The following CCDC85A variants were observed in gnomAD, a reference collection of about 807,000 sequenced individuals.
CCDC85A encodes coiled-coil domain containing 85A.
In CCDC85A, 38 loss-of-function variants were observed where a neutral mutation model predicts 50.2. The observed-to-expected ratio is 0.76, with a 90% confidence interval of 0.58 to 0.99. The LOEUF (loss-of-function observed/expected upper bound fraction) is 0.99. CCDC85A is among the 50% of genes least tolerant of loss of function. CCDC85A has a pLI of 0.00. For synonymous variants in CCDC85A, 366 were observed against 301.4 expected (o/e 1.21, Z -2.22); for missense variants, 820 against 742.0 (o/e 1.11, Z -1.22).
intron 3 of CCDC85A, among the ~76,000 whole-genome samples, chr2:56,369,590 G>A (rs1675974470): frequency 6.6e-6 from 1 of 152,092 alleles, no homozygotes; most frequent in Non-Finnish European, 1.5e-5. Context: ...AAGTCAGGCT[G>A]ACTTATTCTT....
chr2:56,330,604 A>G (rs1454394812), intron 2 of CCDC85A, among the ~76,000 whole-genome samples: 2 of 152,178 alleles, frequency 1.3e-5, no homozygotes, highest in African/African-American at 4.8e-5. Context: ...CTGTAAGGCA[A>G]AGTTTCACCA....
In CCDC85A at chr2:56,184,861, C is replaced by A; in HGVS notation, c.237C>A (p.Arg79=). 3.9e-6 allele frequency: 6 copies of A among 1,536,422 alleles called. No individual in the cohort carries two copies. The highest frequency in any genetic ancestry group is 5.2e-6 in the Non-Finnish European group (6 of 1,143,668). The change falls in exon 1 of 6, where the codon CGC becomes CGA. Residue 79 remains arginine (R), a synonymous_variant. Coordinates refer to ENST00000407595, the MANE Select transcript of CCDC85A (RefSeq NM_001080433.2). ...GCAACCTCATCCGCGAGGTGAACCG[C>A]CGCCTGCAGCTGCACCTCGGCGAGA... The part of the protein sequence containing the change: ...DHSNLIREVN[R]RLQLHLGEIR...
In CCDC85A at chr2:56,357,709, T is replaced by G. The variant is rs527251614; in HGVS notation, c.1318-14635T>G. ...TCTCTTAAATGATGAGGTTGCAGCC[T>G]GAAATGGACCTTTCTTTCTGTGAGA... On this transcript the variant is annotated intron_variant, in intron 3 of 5. Coordinates refer to ENST00000407595, the MANE Select transcript of CCDC85A (RefSeq NM_001080433.2). Among the ~76,000 whole-genome samples, 27 of 141,994 alleles carry G rather than the reference T, an allele frequency of 1.9e-4. No individual in the cohort carries two copies. The East Asian group carries it at 6.0e-3, about 32-fold the overall frequency. The allele number at this position is 141,994 out of a possible 152,430, so 93.2% of individuals were successfully genotyped here.
At chr2:56,313,742 A>G (rs1672796725) in intron 2 of CCDC85A, among the ~76,000 whole-genome samples, 1 of 150,714 alleles carries the variant, frequency 6.6e-6, no homozygotes, top group Non-Finnish European at 1.5e-5. Flanking sequence ...TCCTACAGGC[A>G]CTGGAACATG....
chr2:56,279,818 T>C (rs987880533), intron 2 of CCDC85A, among the ~76,000 whole-genome samples: 1 of 152,364 alleles, frequency 6.6e-6, no homozygotes, highest in African/African-American at 2.4e-5. Context: ...TATATATACC[T>C]GTTTTCTTTA....
rs1490419336 is a variant in CCDC85A at position 56,222,840 on chromosome 2, A to T, written c.1240+29400A>T. On this transcript the variant is annotated intron_variant, in intron 2 of 5. Coordinates refer to ENST00000407595, the MANE Select transcript of CCDC85A (RefSeq NM_001080433.2). Reference sequence around the variant, plus strand: ...AGGAGGTTCAGTAATTATTCCAAAGATGCTATCTCTACTCAAAATCATTTT... The same window carrying T: ...AGGAGGTTCAGTAATTATTCCAAAGTTGCTATCTCTACTCAAAATCATTTT... 4.2e-3 allele frequency among the ~76,000 whole-genome samples: 646 copies of T among 152,266 alleles called. 20 individuals carry two copies. The highest frequency in any genetic ancestry group is 5.0e-3 in the Non-Finnish European group (341 of 68,012).
intron 2 of CCDC85A, among the ~76,000 whole-genome samples, chr2:56,284,079 A>G (rs1402504474): frequency 1.3e-5 from 2 of 151,880 alleles, no homozygotes; most frequent in Admixed American, 6.6e-5. Context: ...TTTGTCATTC[A>G]TTACTTTCTA....
intron 2 of CCDC85A, among the ~76,000 whole-genome samples, chr2:56,216,501 A>T (rs1677398775): frequency 6.6e-6 from 1 of 151,796 alleles, no homozygotes; most frequent in African/African-American, 2.4e-5. Flanking sequence ...CCTTTTATAT[A>T]TTTGAATGTT....
rs532104153 is a variant in CCDC85A, at chr2:56,353,905, G to A, written c.1317+10950G>A. 1.9e-4 allele frequency among the ~76,000 whole-genome samples: 29 copies of A among 152,288 alleles called. No homozygotes were observed. The South Asian group carries it at 4.3e-3, about 23-fold the overall frequency. On this transcript the variant is annotated intron_variant, in intron 3 of 5. Coordinates refer to ENST00000407595, the MANE Select transcript of CCDC85A (RefSeq NM_001080433.2). ...GCCCAGCCACAACTGTGAGCATAGCGTTACTGAGTAGACTGTGTTTCCTCA... is the reference window on the plus strand; with the variant it reads ...GCCCAGCCACAACTGTGAGCATAGCATTACTGAGTAGACTGTGTTTCCTCA...
chr2:56,336,069 G>T (rs1397858386), intron 2 of CCDC85A, among the ~76,000 whole-genome samples: 2 of 152,116 alleles, frequency 1.3e-5, no homozygotes, highest in Non-Finnish European at 2.9e-5. Context: ...CTAATTCTTA[G>T]AGAGCCACAT....
intron 2 of CCDC85A, among the ~76,000 whole-genome samples, chr2:56,248,952 G>A (rs769659980): frequency 2.0e-5 from 3 of 152,232 alleles, no homozygotes; most frequent in African/African-American, 2.4e-5. Flanking sequence ...TCAGGGAAGT[G>A]CCTGTATTGG....
At chr2:56,235,795 T>A (rs1377356556) in intron 2 of CCDC85A, among the ~76,000 whole-genome samples, 1 of 151,900 alleles carries the variant, frequency 6.6e-6, no homozygotes, top group Non-Finnish European at 1.5e-5. Flanking sequence ...GGGTGGAGAG[T>A]TAATAAAAAA....
chr2:56,284,135 T>G (rs1671324218), intron 2 of CCDC85A, among the ~76,000 whole-genome samples: 1 of 152,168 alleles, frequency 6.6e-6, no homozygotes, highest in African/African-American at 2.4e-5. Flanking sequence ...TTTACAAATG[T>G]GTTGTTTAAT....
intron 2 of CCDC85A, among the ~76,000 whole-genome samples, chr2:56,252,948 G>A (rs1401691280): frequency 6.6e-6 from 1 of 152,088 alleles, no homozygotes; most frequent in Non-Finnish European, 1.5e-5. Flanking sequence ...GAACTGGGGA[G>A]GCGGAGGTTG....
At chr2:56,284,654 T>C (rs1195960864) in intron 2 of CCDC85A, among the ~76,000 whole-genome samples, 2 of 152,236 alleles carry the variant, frequency 1.3e-5, no homozygotes, top group African/African-American at 4.8e-5. Context: ...ATTACAGGCG[T>C]GAGCCACCAT....
rs1160000792 is a variant in CCDC85A, at chr2:56,386,096, T to A, written c.*1741T>A. ...ATTTTGATACTGTATTAAAACTATT[T>A]TTTTAAAGTTCTGCATAAAATTGAG... is the stretch of plus-strand genomic sequence containing the variant. On this transcript the variant is annotated 3_prime_UTR_variant, in exon 6 of 6. Transcript: ENST00000407595. 6.6e-6 allele frequency: 1 copy of A among 152,256 alleles called. No homozygotes were observed. The highest frequency in any genetic ancestry group is 2.4e-5 in the African/African-American group (1 of 41,420). 9.4% of individuals were successfully genotyped at this position (152,256 alleles called of 1,614,324 possible).
intron 2 of CCDC85A, among the ~76,000 whole-genome samples, chr2:56,277,580 G>T (rs1671011175): frequency 6.6e-6 from 1 of 152,088 alleles, no homozygotes; most frequent in Admixed American, 6.6e-5. Context: ...TGTGATAATT[G>T]CTTCAGACAT....
intron 3 of CCDC85A, among the ~76,000 whole-genome samples, chr2:56,362,785 A>AT (rs1182604851): frequency 1.3e-5 from 2 of 151,804 alleles, no homozygotes; most frequent in African/African-American, 4.8e-5. Context: ...CACCCGGCTA[A>AT]TTTTTTGTAT....
At chr2:56,244,944 C>T (rs1669433669) in intron 2 of CCDC85A, among the ~76,000 whole-genome samples, 1 of 152,144 alleles carries the variant, frequency 6.6e-6, no homozygotes, top group East Asian at 1.9e-4. Flanking sequence ...ATCCAACTTT[C>T]AGAACAAAGT....
Sources: allele counts gnomAD v4.1 joint callset (sites outside exome capture counted in the v4.1 genomes callset), GRCh38; gene constraint gnomAD v4.1.1; transcripts MANE v1.5; gene names NCBI Gene and HGNC (gene_info 2026-07-23, HGNC 2026-07-21).